Variants in DCC observed in about 807,000 individuals in gnomAD.
DCC encodes netrin receptor DCC.
A neutral mutation model predicts 172.5 loss-of-function variants in DCC; 58 were observed. That is an observed-to-expected ratio of 0.34 (90% CI 0.27 to 0.42). The LOEUF is 0.42. DCC is among the 10% of genes least tolerant of loss of function. DCC has a pLI of 1.00. For synonymous variants in DCC, 709 were observed against 644.5 expected (o/e 1.10, Z -1.52); for missense variants, 1,740 against 1,791.0 (o/e 0.97, Z 0.51).
intron 1 of DCC, among the ~76,000 whole-genome samples, chr18:52,729,908 G>C (rs978686731): frequency 6.6e-6 from 1 of 152,174 alleles, no homozygotes; most frequent in African/African-American, 2.4e-5. Flanking sequence ...ATGAAAAAGA[G>C]AGAATTGCCC....
At chr18:52,541,791 TG>T (rs1192449216) in intron 1 of DCC, among the ~76,000 whole-genome samples, 2 of 151,016 alleles carry the variant, frequency 1.3e-5, no homozygotes, top group African/African-American at 4.9e-5. Context: ...AATGAATCTA[TG>T]GCTTTGGTCT....
intron 1 of DCC, among the ~76,000 whole-genome samples, chr18:52,480,374 C>A (rs1598851547): frequency 6.6e-6 from 1 of 152,034 alleles, no homozygotes; most frequent in Non-Finnish European, 1.5e-5. Flanking sequence ...CTGTGAATGA[C>A]CACATATACC....
At chr18:53,181,075 AGGTCAACAATT>A (rs1303699581) in intron 9 of DCC, among the ~76,000 whole-genome samples, 3 of 152,222 alleles carry the variant, frequency 2.0e-5, no homozygotes, top group Non-Finnish European at 4.4e-5. Context: ...TGTGATAGAT[AGGTCAACAATT>A]TAAAAACTCT....
At position 52,825,701 on chromosome 18, in the gene DCC, C is replaced by T. The variant is rs142431819; in HGVS notation, c.412+73327C>T. ...GTTTTGGTTTGTTTTAAAAAAATCA[C>T]CTTATGTTTAAAGAACATTATGAAC... On this transcript the variant is annotated intron_variant, in intron 2 of 28. Coordinates refer to ENST00000442544, the MANE Select transcript of DCC (RefSeq NM_005215.4). 4.8e-3 allele frequency among the ~76,000 whole-genome samples: 730 copies of T among 152,230 alleles called. 8 individuals are homozygous for T. Among genetic ancestry groups the T allele is most frequent in the African/African-American group, 0.017 (687 of 41,530 alleles).
intron 14 of DCC, among the ~76,000 whole-genome samples, chr18:53,325,462 A>G (rs1215994923): frequency 6.6e-6 from 1 of 152,212 alleles, no homozygotes; most frequent in African/African-American, 2.4e-5. Flanking sequence ...TACTTGACTT[A>G]TGTGCTCTTT....
intron 12 of DCC, among the ~76,000 whole-genome samples, chr18:53,259,595 G>A (rs564818106): frequency 5.9e-5 from 9 of 151,996 alleles, no homozygotes; most frequent in Admixed American, 3.9e-4. Flanking sequence ...TAGTCTAATG[G>A]GCTTCCCTTT....
chr18:52,592,028 G>A (rs1043981137), intron 1 of DCC, among the ~76,000 whole-genome samples: 3 of 151,922 alleles, frequency 2.0e-5, no homozygotes, highest in African/African-American at 7.2e-5. Flanking sequence ...ATTACTTGGA[G>A]AAAAAGAAAT....
At chr18:53,416,783 A>T (rs965952808) in intron 21 of DCC, among the ~76,000 whole-genome samples, 3 of 152,196 alleles carry the variant, frequency 2.0e-5, no homozygotes, top group East Asian at 3.9e-4. Flanking sequence ...CAAAGGCAAA[A>T]TGGAGATAAA....
intron 1 of DCC, among the ~76,000 whole-genome samples, chr18:52,682,924 C>T (rs1775005207): frequency 2.0e-5 from 3 of 152,024 alleles, no homozygotes; most frequent in Admixed American, 2.0e-4. Flanking sequence ...TATCAGAATA[C>T]CATCTGACTG....
intron 1 of DCC, among the ~76,000 whole-genome samples, chr18:52,344,590 G>A (rs919134901): frequency 1.3e-5 from 2 of 152,186 alleles, no homozygotes; most frequent in Admixed American, 1.3e-4. Context: ...ATTTGGAAAT[G>A]AGCCCTGATT....
At chr18:52,808,891 G>C (rs1379884253) in intron 2 of DCC, among the ~76,000 whole-genome samples, 1 of 152,118 alleles carries the variant, frequency 6.6e-6, no homozygotes, top group Non-Finnish European at 1.5e-5. Context: ...GCTTCTCAAC[G>C]GACTTAATGA....
intron 7 of DCC, among the ~76,000 whole-genome samples, chr18:53,069,302 C>T (rs2042620458): frequency 6.6e-6 from 1 of 152,168 alleles, no homozygotes; most frequent in Non-Finnish European, 1.5e-5. Context: ...CCACCTGGAG[C>T]TGTCCACAAT....
At chr18:52,646,395 C>T (rs1033172972) in intron 1 of DCC, among the ~76,000 whole-genome samples, 5 of 152,162 alleles carry the variant, frequency 3.3e-5, no homozygotes, top group Admixed American at 2.0e-4. Context: ...TCTGTGGACA[C>T]CAGTTGGGCA....
chr18:53,515,423 A>C (rs1160393424), intron 27 of DCC, among the ~76,000 whole-genome samples: 2 of 150,586 alleles, frequency 1.3e-5, no homozygotes, highest in Non-Finnish European at 3.0e-5. Context: ...ACTCGTATTC[A>C]ACATAGTGTT....
chr18:53,462,306 C>A (rs1459161416), intron 24 of DCC, among the ~76,000 whole-genome samples: 1 of 152,110 alleles, frequency 6.6e-6, no homozygotes, highest in Non-Finnish European at 1.5e-5. Flanking sequence ...TACAGCCATT[C>A]CCTATCACTC....
chr18:52,514,773 T>C (rs1417293686), intron 1 of DCC, among the ~76,000 whole-genome samples: 1 of 152,234 alleles, frequency 6.6e-6, no homozygotes, highest in African/African-American at 2.4e-5. Context: ...AGATCAAAGC[T>C]ATATGAAATA....
rs192552083 is a variant in DCC, at chr18:52,889,340, G to T, written c.413-16704G>T. The stretch of plus-strand genomic sequence containing the variant: ...GAGTTCTGAAAATGATAGTAGATGA[G>T]TATGGAAGGACAGAAAGAAGTAACG... On this transcript the variant is annotated intron_variant, in intron 2 of 28. Coordinates refer to ENST00000442544, the MANE Select transcript of DCC (RefSeq NM_005215.4). Among the ~76,000 whole-genome samples, 316 of 152,188 alleles carry T rather than the reference G, an allele frequency of 2.1e-3. 1 individual carries two copies. Among genetic ancestry groups the T allele is most frequent in the African/African-American group, 7.2e-3 (300 of 41,540 alleles).
chr18:52,823,379 T>C (rs192985870), intron 2 of DCC, among the ~76,000 whole-genome samples: 23 of 152,318 alleles, frequency 1.5e-4, no homozygotes, highest in African/African-American at 5.5e-4. Flanking sequence ...TGAGGGTGTT[T>C]TACTTCATAT....
chr18:52,772,194 C>G (rs183094552), intron 2 of DCC, among the ~76,000 whole-genome samples: 2 of 152,082 alleles, frequency 1.3e-5, no homozygotes, highest in African/African-American at 4.8e-5. Flanking sequence ...GCGATTTTGT[C>G]AATTTATGCT....
Sources: allele counts gnomAD v4.1 joint callset (sites outside exome capture counted in the v4.1 genomes callset), GRCh38; gene constraint gnomAD v4.1.1; transcripts MANE v1.5; gene names NCBI Gene and HGNC (gene_info 2026-07-23, HGNC 2026-07-21).